ZNF385D: variants seen among roughly 807,000 people sequenced by gnomAD.
ZNF385D encodes zinc finger protein 659.
In ZNF385D, 15 loss-of-function variants were observed where a neutral mutation model predicts 35.8. The ratio of observed to expected loss-of-function variants is 0.42; its 90% confidence interval spans 0.28 to 0.64. The LOEUF (loss-of-function observed/expected upper bound fraction) is 0.64, where lower values mean the gene tolerates loss of function less well. ZNF385D is among the 30% of genes least tolerant of loss of function. The probability of loss-of-function intolerance (pLI) is 0.23; values close to 1 mark genes in which losing one functional copy is unlikely to be tolerated. For missense variants in ZNF385D, 474 were observed against 494.6 expected (o/e 0.96, Z 0.39); for synonymous variants, 212 against 186.8 (o/e 1.13, Z -1.10).
intron 1 of ZNF385D, among the ~76,000 whole-genome samples, chr3:21,748,981 C>T (rs140828518): frequency 3.8e-4 from 58 of 152,008 alleles, no homozygotes; most frequent in African/African-American, 1.3e-3. Flanking sequence ...ACAGCTTGTA[C>T]GAGAAGCTGC....
At chr3:21,522,129 T>C (rs964920039) in intron 3 of ZNF385D, among the ~76,000 whole-genome samples, 2 of 152,080 alleles carry the variant, frequency 1.3e-5, no homozygotes, top group African/African-American at 4.8e-5. Context: ...TTATGAAAAT[T>C]ATGGTTTTGG....
At chr3:21,966,829 A>G (rs1702941317) in intron 3 of ZNF385D, among the ~76,000 whole-genome samples, 1 of 152,156 alleles carries the variant, frequency 6.6e-6, no homozygotes, top group African/African-American at 2.4e-5. Context: ...TGATCTGCCA[A>G]CCTTGGCCTC....
intron 2 of ZNF385D, among the ~76,000 whole-genome samples, chr3:21,607,618 C>A (rs1364068368): frequency 6.6e-6 from 1 of 152,116 alleles, no homozygotes. Flanking sequence ...AGAGACCTCA[C>A]CAGTGTCTCT....
At chr3:21,711,939 A>G (rs2068124920) in intron 1 of ZNF385D, among the ~76,000 whole-genome samples, 1 of 152,214 alleles carries the variant, frequency 6.6e-6, no homozygotes, top group South Asian at 2.1e-4. Flanking sequence ...AAAACACACA[A>G]TTATGTAAAT....
chr3:22,317,433 C>T (rs1703962227), intron 2 of ZNF385D, among the ~76,000 whole-genome samples: 1 of 152,058 alleles, frequency 6.6e-6, no homozygotes, highest in African/African-American at 2.4e-5. Context: ...ATCACCACCT[C>T]TAGACAGAAC....
At chr3:22,178,259 T>G (rs1163079572) in intron 2 of ZNF385D, among the ~76,000 whole-genome samples, 16 of 152,216 alleles carry the variant, frequency 1.1e-4, no homozygotes, top group Admixed American at 9.2e-4. Context: ...GTTTCCTGAC[T>G]TTTTAATGAT....
At chr3:21,455,901 C>A (rs202205430) in intron 4 of ZNF385D, among the ~76,000 whole-genome samples, 17 of 151,566 alleles carry the variant, frequency 1.1e-4, no homozygotes, top group Admixed American at 9.2e-4. Context: ...AAGAAAAAAA[C>A]AACCCCATCA....
intron 2 of ZNF385D, among the ~76,000 whole-genome samples, chr3:22,173,244 C>G (rs1389045509): frequency 1.3e-5 from 2 of 152,100 alleles, no homozygotes; most frequent in African/African-American, 4.8e-5. Context: ...AATGTGGTAT[C>G]CTGGATGGGG....
chr3:21,843,126 G>A (rs1039836459), intron 3 of ZNF385D, among the ~76,000 whole-genome samples: 1 of 152,014 alleles, frequency 6.6e-6, no homozygotes, highest in African/African-American at 2.4e-5. Flanking sequence ...AATTGCAAGA[G>A]AATGTTCTTG....
chr3:21,672,742 A>G (rs2066614714), intron 1 of ZNF385D, among the ~76,000 whole-genome samples: 1 of 152,188 alleles, frequency 6.6e-6, no homozygotes, highest in Non-Finnish European at 1.5e-5. Context: ...AAGAAGCACT[A>G]ATAATATTTT....
At chr3:21,603,703 AAGT>A (rs569934112) in intron 2 of ZNF385D, among the ~76,000 whole-genome samples, 4 of 152,200 alleles carry the variant, frequency 2.6e-5, no homozygotes, top group Admixed American at 6.5e-5. Context: ...AAAAAAGTAC[AAGT>A]AGTAATCAAT....
At chr3:21,445,076 T>G (rs1702078700) in intron 4 of ZNF385D, among the ~76,000 whole-genome samples, 1 of 152,196 alleles carries the variant, frequency 6.6e-6, no homozygotes, top group Non-Finnish European at 1.5e-5. Context: ...AGGAGATAAG[T>G]AGGATCCCAT....
intron 3 of ZNF385D, among the ~76,000 whole-genome samples, chr3:22,118,126 T>C (rs749693743): frequency 2.6e-5 from 4 of 152,086 alleles, no homozygotes; most frequent in South Asian, 2.1e-4. Context: ...CTTTAAATAA[T>C]TATGAAGTAA....
chr3:21,745,380 G>A (rs1278360234), intron 1 of ZNF385D, among the ~76,000 whole-genome samples: 2 of 152,144 alleles, frequency 1.3e-5, no homozygotes, highest in Non-Finnish European at 2.9e-5. Context: ...GAATCAAGAG[G>A]GTTTCATGAA....
chr3:21,426,523 C>A (rs944820544), intron 5 of ZNF385D, among the ~76,000 whole-genome samples: 1 of 150,862 alleles, frequency 6.6e-6, no homozygotes, highest in Non-Finnish European at 1.5e-5. Context: ...CACAAAATTT[C>A]TTTTTTTTTA....
intron 1 of ZNF385D, among the ~76,000 whole-genome samples, chr3:21,700,701 G>C (rs1201534234): frequency 6.6e-6 from 1 of 152,084 alleles, no homozygotes; most frequent in Non-Finnish European, 1.5e-5. Context: ...TCCATAGAGA[G>C]GTGTTGTAAG....
intron 3 of ZNF385D, among the ~76,000 whole-genome samples, chr3:21,757,120 C>CTTT (rs61226426): frequency 0.13 from 13,191 of 104,084 alleles, 1,610 homozygotes; most frequent in Non-Finnish European, 0.17. Context: ...ATAAATTTCT[C>CTTT]TTTTTTTTTT....
At chr3:21,583,490 C>A (rs1221399947) in intron 2 of ZNF385D, among the ~76,000 whole-genome samples, 1 of 152,186 alleles carries the variant, frequency 6.6e-6, no homozygotes, top group South Asian at 2.1e-4. Context: ...AAACTCTCTG[C>A]TCTAACCTTC....
At chr3:22,201,941 T>C (rs2125244214) in intron 2 of ZNF385D, among the ~76,000 whole-genome samples, 1 of 151,822 alleles carries the variant, frequency 6.6e-6, no homozygotes, top group African/African-American at 2.4e-5. Context: ...AAAATAAAGA[T>C]CAACAAGAAA....
Sources: allele counts gnomAD v4.1 joint callset (sites outside exome capture counted in the v4.1 genomes callset), GRCh38; gene constraint gnomAD v4.1.1; transcripts MANE v1.5; gene names NCBI Gene and HGNC (gene_info 2026-07-23, HGNC 2026-07-21).